The following CAMKMT variants were observed in gnomAD, a reference collection of about 807,000 sequenced individuals.
CAMKMT encodes calmodulin-lysine N-methyltransferase, also known as CaM KMT.
Under a neutral mutation model 48.0 loss-of-function variants are expected in CAMKMT, and 53 were observed. The observed-to-expected ratio is 1.10, with a 90% CI of 0.89 to 1.39. The LOEUF is 1.39. CAMKMT is among the 40% of genes most tolerant of loss of function. CAMKMT has a pLI of 0.00. For synonymous variants in CAMKMT, 165 were observed against 152.3 expected (o/e 1.08, Z -0.61); for missense variants, 428 against 402.7 (o/e 1.06, Z -0.54).
chr2:44,490,114 C>G (rs1440574390), intron 3 of CAMKMT, among the ~76,000 whole-genome samples: 1 of 151,790 alleles, frequency 6.6e-6, no homozygotes, highest in Non-Finnish European at 1.5e-5. Flanking sequence ...CAGACAGATG[C>G]AAAAATCCTT....
intron 3 of CAMKMT, among the ~76,000 whole-genome samples, chr2:44,605,622 T>G (rs1421385381): frequency 6.6e-6 from 1 of 152,132 alleles, no homozygotes; most frequent in African/African-American, 2.4e-5. Flanking sequence ...CAAAAAGAAC[T>G]GAAAGAGCCT....
chr2:44,570,025 C>T (rs1374677529), intron 3 of CAMKMT, among the ~76,000 whole-genome samples: 1 of 151,952 alleles, frequency 6.6e-6, no homozygotes, highest in African/African-American at 2.4e-5. Context: ...CATAGAGATG[C>T]TACATAGTTA....
chr2:44,686,978 GT>G (rs1313517508), intron 3 of CAMKMT, among the ~76,000 whole-genome samples: 1 of 152,202 alleles, frequency 6.6e-6, no homozygotes. Flanking sequence ...TTGCTGCATG[GT>G]GATCATGTAA....
At chr2:44,478,666 A>G (rs1013490594) in intron 3 of CAMKMT, among the ~76,000 whole-genome samples, 3 of 151,920 alleles carry the variant, frequency 2.0e-5, no homozygotes, top group Non-Finnish European at 2.9e-5. Context: ...TGGTTGCAAT[A>G]AAAAGATATA....
At chr2:44,491,839 T>C (rs941050471) in intron 3 of CAMKMT, among the ~76,000 whole-genome samples, 5 of 152,236 alleles carry the variant, frequency 3.3e-5, no homozygotes, top group Non-Finnish European at 7.3e-5. Context: ...TAGCATTCTT[T>C]GAAGGTATCA....
chr2:44,684,060 T>C (rs150888658), intron 3 of CAMKMT, among the ~76,000 whole-genome samples: 358 of 152,270 alleles, frequency 2.4e-3, no homozygotes, highest in African/African-American at 8.3e-3. Flanking sequence ...TACAACGTTC[T>C]GGGTTTGAAG....
chr2:44,520,809 T>G (rs991115851), intron 3 of CAMKMT, among the ~76,000 whole-genome samples: 2 of 152,148 alleles, frequency 1.3e-5, no homozygotes, highest in African/African-American at 4.8e-5. Context: ...CCCCATGCTA[T>G]TCTCGTGATA....
chr2:44,523,119 T>A (rs1207119517), intron 3 of CAMKMT, among the ~76,000 whole-genome samples: 2 of 152,086 alleles, frequency 1.3e-5, no homozygotes, highest in African/African-American at 4.8e-5. Context: ...AAATTTGTTC[T>A]GGTTAGCTTT....
intron 2 of CAMKMT, among the ~76,000 whole-genome samples, chr2:44,381,329 G>A (rs1311231721): frequency 1.3e-5 from 2 of 152,038 alleles, no homozygotes; most frequent in Non-Finnish European, 2.9e-5. Flanking sequence ...CAAAATATGT[G>A]CATGTTATTT....
intron 3 of CAMKMT, among the ~76,000 whole-genome samples, chr2:44,635,356 C>T (rs1673067403): frequency 6.6e-6 from 1 of 152,066 alleles, no homozygotes; most frequent in Non-Finnish European, 1.5e-5. Context: ...ACTATATATC[C>T]AGCCTATAAA....
Position 44,379,592 on chromosome 2 carries a change from T to A in CAMKMT, c.311+6704T>A, listed in dbSNP as rs528983438. On this transcript the variant is annotated intron_variant, in intron 2 of 10. Transcript: ENST00000378494. ...GCACTTGTTAATTTTTCTTCTTTTTTAAAAAATATTACAACCCTTATAGTG... is the reference window on the plus strand; with the variant it reads ...GCACTTGTTAATTTTTCTTCTTTTTAAAAAAATATTACAACCCTTATAGTG... Among the ~76,000 whole-genome samples, 8 of 152,346 alleles carry A rather than the reference T, an allele frequency of 5.3e-5. 1 individual carries two copies. In the South Asian group the frequency reaches 1.5e-3, roughly 28 times the overall value.
In CAMKMT at chr2:44,534,478, T is replaced by C. The variant is rs555244071; in HGVS notation, c.376+144173T>C. Among the ~76,000 whole-genome samples the C allele has an allele frequency of 1.7e-3, 266 of 152,290 alleles. 2 individuals are homozygous for C. Among genetic ancestry groups the C allele is most frequent in the Non-Finnish European group, 2.9e-3 (200 of 68,010 alleles). On this transcript the variant is annotated intron_variant, in intron 3 of 10. Coordinates refer to ENST00000378494, the MANE Select transcript of CAMKMT (RefSeq NM_024766.5). Reference sequence around the variant, plus strand: ...TGAACATTCTGCAGGATAGAACATATGTTAGGCCAGAAAACAAATCTCAAT... The same window carrying C: ...TGAACATTCTGCAGGATAGAACATACGTTAGGCCAGAAAACAAATCTCAAT...
intron 3 of CAMKMT, among the ~76,000 whole-genome samples, chr2:44,548,435 C>G (rs13014425): frequency 0.44 from 67,129 of 151,986 alleles, 17,123 homozygotes; most frequent in Non-Finnish European, 0.58. Flanking sequence ...TAACAGGTGT[C>G]TCCTGTGGTA....
chr2:44,468,746 C>T (rs552375930), intron 3 of CAMKMT, among the ~76,000 whole-genome samples: 2 of 152,160 alleles, frequency 1.3e-5, no homozygotes, highest in Admixed American at 1.3e-4. Context: ...AAGCAAGACC[C>T]AGTCTCTACA....
rs189681787 is a variant in CAMKMT, at chr2:44,688,122, C to A, written c.377-16161C>A. On this transcript the variant is annotated intron_variant, in intron 3 of 10. Coordinates refer to ENST00000378494, the MANE Select transcript of CAMKMT (RefSeq NM_024766.5). ...GGCTATAATCACAAAAGGCTTTTCC[C>A]AGTGTTGTTTAATTTTTAATGACTA... Among the ~76,000 whole-genome samples, 228 of 152,070 alleles carry A rather than the reference C, an allele frequency of 1.5e-3. 1 individual carries two copies. Among genetic ancestry groups the A allele is most frequent in the African/African-American group, 5.2e-3 (217 of 41,470 alleles).
At chr2:44,396,884 C>G (rs960116455) in intron 3 of CAMKMT, among the ~76,000 whole-genome samples, 1 of 151,798 alleles carries the variant, frequency 6.6e-6, no homozygotes, top group Non-Finnish European at 1.5e-5. Context: ...CATGGTGAAA[C>G]CCTGTCTCTA....
intron 3 of CAMKMT, among the ~76,000 whole-genome samples, chr2:44,593,002 T>C (rs1216029429): frequency 6.6e-6 from 1 of 152,222 alleles, no homozygotes; most frequent in Non-Finnish European, 1.5e-5. Context: ...TTATAACATG[T>C]TAAAATCTCT....
chr2:44,586,649 T>A (rs1472909628), intron 3 of CAMKMT, among the ~76,000 whole-genome samples: 1 of 152,250 alleles, frequency 6.6e-6, no homozygotes, highest in Non-Finnish European at 1.5e-5. Context: ...CCATTCCTTT[T>A]TTATTGCTGA....
At chr2:44,571,638 G>A (rs1668908066) in intron 3 of CAMKMT, among the ~76,000 whole-genome samples, 2 of 151,978 alleles carry the variant, frequency 1.3e-5, no homozygotes, top group Non-Finnish European at 2.9e-5. Context: ...TATGTACATA[G>A]CATTGTTCTA....
Sources: gnomAD v4.1 joint callset for allele counts (sites outside exome capture counted in the v4.1 genomes callset) on GRCh38, gnomAD v4.1.1 for gene constraint, MANE v1.5 for transcripts, NCBI Gene and HGNC (gene_info 2026-07-23, HGNC 2026-07-21) for gene names.